The following SPAM1 variants were observed in gnomAD, a reference collection of about 807,000 sequenced individuals.
SPAM1 encodes hyaluronidase PH-20.
A neutral mutation model predicts 29.6 loss-of-function variants in SPAM1; 22 were observed. That is an observed-to-expected ratio of 0.74 (90% CI 0.53 to 1.06). The LOEUF (loss-of-function observed/expected upper bound fraction) is 1.06. Ranked by LOEUF, SPAM1 falls within the 50% of genes least tolerant of loss-of-function variation. The pLI, the probability that SPAM1 is intolerant of heterozygous loss-of-function variation, is 0.00. For synonymous variants in SPAM1, 194 were observed against 204.6 expected, an observed-to-expected ratio of 0.95 and a Z score of 0.44; for missense variants, 534 against 604.0, an observed-to-expected ratio of 0.88 and a Z score of 1.21.
intron 1 of SPAM1, among the ~76,000 whole-genome samples, chr7:123,936,578 A>G (rs183079604): frequency 6.6e-6 from 1 of 152,310 alleles, no homozygotes; most frequent in Non-Finnish European, 1.5e-5. Flanking sequence ...GAAACAGTAT[A>G]AGGAAGTGGG....
chr7:123,928,905 A>T (rs960192649), intron 1 of SPAM1, among the ~76,000 whole-genome samples: 2 of 152,094 alleles, frequency 1.3e-5, no homozygotes, highest in African/African-American at 4.8e-5. Context: ...CCCTAGAGTC[A>T]TAGGTGTGTT....
At chr7:123,927,921 A>C (rs1807942589) in intron 1 of SPAM1, among the ~76,000 whole-genome samples, 1 of 152,212 alleles carries the variant, frequency 6.6e-6, no homozygotes, top group Admixed American at 6.5e-5. Context: ...AAAGCTGACC[A>C]GAGGTTAATT....
At chr7:123,958,639 G>A (rs2117069579) in intron 4 of SPAM1, among the ~76,000 whole-genome samples, 1 of 151,912 alleles carries the variant, frequency 6.6e-6, no homozygotes, top group South Asian at 2.1e-4. Flanking sequence ...ACCAGCCTGG[G>A]CAACATAGTA....
At chr7:123,938,137 G>A (rs1459688057) in intron 1 of SPAM1, among the ~76,000 whole-genome samples, 1 of 151,292 alleles carries the variant, frequency 6.6e-6, no homozygotes, top group Non-Finnish European at 1.5e-5. Context: ...TGTTGCCCAG[G>A]CTAGAGTACA....
intron 1 of SPAM1, among the ~76,000 whole-genome samples, chr7:123,928,463 G>A (rs930985385): frequency 6.6e-6 from 1 of 152,136 alleles, no homozygotes; most frequent in African/African-American, 2.4e-5. Context: ...CTGCCTAAAA[G>A]GTTTGCCAGT....
chr7:123,927,802 A>T (rs1807937678), intron 1 of SPAM1, among the ~76,000 whole-genome samples: 1 of 152,198 alleles, frequency 6.6e-6, no homozygotes, highest in African/African-American at 2.4e-5. Context: ...TTAGAAAAAT[A>T]TTGAAGGGAA....
chr7:123,950,859 T>C (rs1425631883), intron 2 of SPAM1, among the ~76,000 whole-genome samples: 2 of 152,172 alleles, frequency 1.3e-5, no homozygotes, highest in African/African-American at 2.4e-5. Context: ...CTAGAGGTTG[T>C]ACTAATTTAC....
chr7:123,940,888 T>C (rs1808407534), intron 1 of SPAM1, among the ~76,000 whole-genome samples: 1 of 152,188 alleles, frequency 6.6e-6, no homozygotes, highest in African/African-American at 2.4e-5. Flanking sequence ...ATTCAATATT[T>C]CCAATTCATG....
chr7:123,946,623 G>A (rs1808583746), intron 1 of SPAM1, among the ~76,000 whole-genome samples: 1 of 152,132 alleles, frequency 6.6e-6, no homozygotes, highest in Admixed American at 6.5e-5. Flanking sequence ...CAGTCAGTAT[G>A]TGTAAGATAT....
chr7:123,940,758 A>G (rs1442539269), intron 1 of SPAM1, among the ~76,000 whole-genome samples: 1 of 152,132 alleles, frequency 6.6e-6, no homozygotes, highest in Non-Finnish European at 1.5e-5. Context: ...GGCATCTCAA[A>G]TCTCTGGAAT....
At chr7:123,968,586 G>A (rs138164629) in intron 5 of SPAM1, among the ~76,000 whole-genome samples, 56 of 151,974 alleles carry the variant, frequency 3.7e-4, no homozygotes, top group African/African-American at 1.1e-3. Flanking sequence ...GTGCCTGTAG[G>A]GTATCTTGAC....
intron 1 of SPAM1, among the ~76,000 whole-genome samples, chr7:123,940,278 A>C (rs1258059457): frequency 6.6e-6 from 1 of 152,022 alleles, no homozygotes; most frequent in Admixed American, 6.6e-5. Flanking sequence ...GTACCAATTG[A>C]TGAGTGGCTC....
chr7:123,946,937 C>G (rs1045068848), intron 1 of SPAM1, among the ~76,000 whole-genome samples: 2 of 152,088 alleles, frequency 1.3e-5, no homozygotes, highest in African/African-American at 4.8e-5. Flanking sequence ...GAATTTGTAG[C>G]TAGCTTATTT....
intron 1 of SPAM1, among the ~76,000 whole-genome samples, chr7:123,927,908 A>G (rs1282184036): frequency 2.0e-5 from 3 of 152,156 alleles, no homozygotes; most frequent in Admixed American, 2.0e-4. Flanking sequence ...TGGAATTAAA[A>G]AGAAAGCTGA....
intron 5 of SPAM1, among the ~76,000 whole-genome samples, chr7:123,966,781 A>G (rs906135074): frequency 1.3e-5 from 2 of 151,936 alleles, no homozygotes; most frequent in Non-Finnish European, 2.9e-5. Context: ...GAGAGCATTA[A>G]GAAGAATAGC....
chr7:123,932,149 G>C (rs1337952912), intron 1 of SPAM1: 1 of 152,192 alleles, frequency 6.6e-6, no homozygotes, highest in African/African-American at 2.4e-5. Context: ...AGTGGCAGCT[G>C]CATTCTGGGT....
intron 1 of SPAM1, among the ~76,000 whole-genome samples, chr7:123,941,474 A>G (rs1808424838): frequency 6.6e-6 from 1 of 152,184 alleles, no homozygotes; most frequent in Admixed American, 6.5e-5. Flanking sequence ...TTTCCATTGA[A>G]TATACAATTT....
chr7:123,962,895 T>G (rs1792379787), downstream of SPAM1, among the ~76,000 whole-genome samples: 1 of 151,848 alleles, frequency 6.6e-6, no homozygotes, highest in African/African-American at 2.4e-5. Flanking sequence ...CCATAATTTT[T>G]GATAACTTGC....
At chr7:123,933,501 GT>G (rs1178572079) in intron 1 of SPAM1, among the ~76,000 whole-genome samples, 1 of 152,164 alleles carries the variant, frequency 6.6e-6, no homozygotes, top group African/African-American at 2.4e-5. Flanking sequence ...TGGGAAAGGG[GT>G]TTAACCTTCT....
Sources: gnomAD v4.1 joint callset for allele counts (sites outside exome capture counted in the v4.1 genomes callset) on GRCh38, gnomAD v4.1.1 for gene constraint, MANE v1.5 for transcripts, NCBI Gene and HGNC (gene_info 2026-07-23, HGNC 2026-07-21) for gene names.